The following CNTN4 variants were observed in gnomAD, a reference collection of about 807,000 sequenced individuals.
CNTN4 encodes contactin 4, also known as contactin-4.
A neutral mutation model predicts 122.5 loss-of-function variants in CNTN4; 77 were observed. The ratio of observed to expected loss-of-function variants is 0.63; its 90% CI spans 0.52 to 0.76. The LOEUF (loss-of-function observed/expected upper bound fraction) is 0.76, where lower values mean the gene tolerates loss of function less well. CNTN4 is among the 30% of genes least tolerant of loss of function. The probability of loss-of-function intolerance (pLI) is 0.00; values close to 1 mark genes in which losing one functional copy is unlikely to be tolerated. For missense variants in CNTN4, 1,256 were observed against 1,259.1 expected, an observed-to-expected ratio of 1.00 and a Z score of 0.04; for synonymous variants, 512 against 447.0, an observed-to-expected ratio of 1.15 and a Z score of -1.83.
chr3:2,156,245 T>G (rs2035713874), intron 2 of CNTN4, among the ~76,000 whole-genome samples: 2 of 152,074 alleles, frequency 1.3e-5, no homozygotes, highest in Admixed American at 6.5e-5. Context: ...GAGGTGGCTG[T>G]TTGTGGGATT....
chr3:2,481,958 C>T (rs1346743346), intron 3 of CNTN4, among the ~76,000 whole-genome samples: 1 of 152,148 alleles, frequency 6.6e-6, no homozygotes, highest in Non-Finnish European at 1.5e-5. Flanking sequence ...ATAAAATACT[C>T]AGTCTCTGCA....
intron 2 of CNTN4, among the ~76,000 whole-genome samples, chr3:2,322,573 G>C (rs1490160678): frequency 1.3e-5 from 2 of 151,962 alleles, no homozygotes; most frequent in African/African-American, 4.8e-5. Context: ...TTTTCTATTG[G>C]GGATCATGTA....
At chr3:2,987,973 A>AT (rs1373834804) in intron 13 of CNTN4, among the ~76,000 whole-genome samples, 1 of 152,160 alleles carries the variant, frequency 6.6e-6, no homozygotes, top group Non-Finnish European at 1.5e-5. Context: ...TAATCAAGGG[A>AT]TTTTTTCGTA....
intron 4 of CNTN4, among the ~76,000 whole-genome samples, chr3:2,633,915 A>G (rs1208375101): frequency 6.6e-6 from 1 of 152,226 alleles, no homozygotes; most frequent in Non-Finnish European, 1.5e-5. Flanking sequence ...TCTATTTTCT[A>G]CTTAAAGTTC....
At chr3:2,917,472 A>G (rs1476342140) in intron 12 of CNTN4, among the ~76,000 whole-genome samples, 1 of 151,950 alleles carries the variant, frequency 6.6e-6, no homozygotes, top group African/African-American at 2.4e-5. Context: ...TTAGATTCCA[A>G]TTTCAGGTCT....
chr3:2,858,867 G>A (rs985010390), intron 7 of CNTN4, among the ~76,000 whole-genome samples: 2 of 152,056 alleles, frequency 1.3e-5, no homozygotes, highest in Admixed American at 6.6e-5. Context: ...GCTAAATCAT[G>A]CTCATTAACA....
intron 6 of CNTN4, 107 bp downstream of exon 6, chr3:2,745,804 T>C: frequency 1.0e-6 from 1 of 967,132 alleles, no homozygotes. Flanking sequence ...TTTAATTGGT[T>C]ACATGATCAT....
rs546104300 is a variant in CNTN4, at chr3:2,385,900, T to C, written c.-89+46667T>C. On this transcript the variant is annotated intron_variant, in intron 3 of 24. Transcript: ENST00000418658. This position sits in a 1 kb window ranked among gnomAD's most constrained non-coding sequence, Gnocchi z 4.0. ...CAATTCAACCCATAACAATGTTCCA[T>C]CAATATTTGATAAATGAATGAATAC... Among the ~76,000 whole-genome samples the C allele has an allele frequency of 1.2e-4, 19 of 152,222 alleles. No individual in the cohort carries two copies. The East Asian group carries it at 2.1e-3, about 17-fold the overall frequency.
At chr3:2,556,224 T>C (rs1212749020) in intron 3 of CNTN4, among the ~76,000 whole-genome samples, 5 of 152,178 alleles carry the variant, frequency 3.3e-5, no homozygotes, top group Non-Finnish European at 7.3e-5. Context: ...GAAGGAAATG[T>C]GGAGGCAAAC....
chr3:2,642,136 C>T (rs984108634), intron 4 of CNTN4, among the ~76,000 whole-genome samples: 1 of 152,210 alleles, frequency 6.6e-6, no homozygotes, highest in African/African-American at 2.4e-5. Context: ...AATCCCAAAA[C>T]CTCAAAAGTA....
intron 6 of CNTN4, among the ~76,000 whole-genome samples, chr3:2,799,814 G>T (rs941824488): frequency 6.6e-6 from 1 of 151,972 alleles, no homozygotes; most frequent in Admixed American, 6.6e-5. Flanking sequence ...TTTATATATG[G>T]TGAGAGATAG....
At chr3:3,051,100 T>A (rs1289261539) in intron 23 of CNTN4, among the ~76,000 whole-genome samples, 1 of 152,200 alleles carries the variant, frequency 6.6e-6, no homozygotes, top group Non-Finnish European at 1.5e-5. Flanking sequence ...TGTTAGTGTA[T>A]TTTATGTGTG....
At chr3:2,887,273 GAT>G in intron 10 of CNTN4, 49 bp downstream of exon 10, 1 of 1,549,666 alleles carries the variant, frequency 6.5e-7, no homozygotes, top group African/African-American at 1.4e-5. Context: ...AGAACTTCCT[GAT>G]ATTGAAATCA....
chr3:2,235,882 C>A (rs941719483), intron 2 of CNTN4, among the ~76,000 whole-genome samples: 4 of 151,988 alleles, frequency 2.6e-5, no homozygotes, highest in African/African-American at 9.7e-5. Flanking sequence ...AATACAAATA[C>A]GAGGCATTAT....
At chr3:2,699,906 C>T (rs2086265318) in intron 4 of CNTN4, among the ~76,000 whole-genome samples, 1 of 152,080 alleles carries the variant, frequency 6.6e-6, no homozygotes, top group Non-Finnish European at 1.5e-5. Context: ...AAATTCAGAG[C>T]AGCTATGCAG....
At chr3:2,362,609 G>GA in intron 3 of CNTN4, 1 of 493,902 alleles carries the variant, frequency 2.0e-6, no homozygotes, top group Non-Finnish European at 4.0e-6. Context: ...TTGTGTGTAA[G>GA]AAGATAGCAA....
Position 2,591,352 on chromosome 3 carries a change from C to CT in CNTN4, c.55+19824dup, listed in dbSNP as rs71058629. On this transcript the variant is annotated intron_variant, in intron 4 of 24. Coordinates refer to ENST00000418658, the MANE Select transcript of CNTN4 (RefSeq NM_175607.3). ...CTTTGAAGAACTAGTAGATTTGTGA[C>CT]TTTTTTTTTTTTTTTTTTTTTTTTT... Among the ~76,000 whole-genome samples the CT allele has an allele frequency of 3.4e-3, 125 of 36,386 alleles. 38 individuals carry two copies. The highest frequency in any genetic ancestry group is 0.011 in the African/African-American group (109 of 10,286). 23.9% of individuals were successfully genotyped at this position (36,386 alleles called of 152,430 possible).
intron 2 of CNTN4, among the ~76,000 whole-genome samples, chr3:2,311,539 C>T (rs935677831): frequency 6.6e-6 from 1 of 151,974 alleles, no homozygotes; most frequent in Non-Finnish European, 1.5e-5. Flanking sequence ...TAGTATAAAG[C>T]GTGTTACTTG....
At chr3:2,928,054 C>T (rs1217272490) in intron 13 of CNTN4, among the ~76,000 whole-genome samples, 2 of 152,226 alleles carry the variant, frequency 1.3e-5, no homozygotes, top group African/African-American at 4.8e-5. Flanking sequence ...GTGTTTGCCC[C>T]ATCCAAGGGA....
Sources: allele counts gnomAD v4.1 joint callset (sites outside exome capture counted in the v4.1 genomes callset), GRCh38; gene constraint gnomAD v4.1.1; non-coding constraint Gnocchi (gnomAD v3.1); transcripts MANE v1.5; gene names NCBI Gene and HGNC (gene_info 2026-07-23, HGNC 2026-07-21).